The following CTNND2 variants were observed in gnomAD, a reference collection of about 807,000 sequenced individuals.
CTNND2 encodes the protein catenin delta-2.
Under a neutral mutation model 144.4 loss-of-function variants are expected in CTNND2, and 22 were observed. The observed-to-expected ratio is 0.15, with a 90% CI of 0.11 to 0.22. The LOEUF (loss-of-function observed/expected upper bound fraction) is 0.22. CTNND2 is among the 10% of genes least tolerant of loss of function. CTNND2 has a pLI of 1.00. For missense variants in CTNND2, 1,353 were observed against 1,618.8 expected (o/e 0.84, Z 2.82); for synonymous variants, 751 against 695.6 (o/e 1.08, Z -1.25).
In CTNND2 at chr5:11,385,198, C is replaced by A; in HGVS notation, c.644G>T (p.Gly215Val). The A allele has an allele frequency of 9.5e-7, 1 of 1,053,062 alleles. No homozygotes were observed. The highest frequency in any genetic ancestry group is 1.1e-6 in the Non-Finnish European group (1 of 875,312). The allele number at this position is 1,053,062 out of a possible 1,614,324, so 65.2% of individuals were successfully genotyped here. Residue 215 changes from glycine (G) to valine (V), a missense_variant, in exon 7 of 22, where the codon GGG becomes GTG. By Grantham distance (109) the Gly-to-Val change is moderately radical (BLOSUM62 -3). Transcript: ENST00000304623. ...GTTSRAGHLA[G>V]PEPAPPPPPP... ...CGGCGGCGGCGGCGCGGGCTCGGGC[C>A]CCGCCAGGTGGCCGGCGCGGCTGGT...
chr5:11,127,025 C>A (rs1291864321), intron 12 of CTNND2, among the ~76,000 whole-genome samples: 2 of 152,234 alleles, frequency 1.3e-5, no homozygotes, highest in Non-Finnish European at 2.9e-5. Context: ...CAAATACCAT[C>A]CACGCACATC....
rs114682798 is a variant in CTNND2 at position 11,309,133 on chromosome 5, A to G, written c.1628+37239T>C. On this transcript the variant is annotated intron_variant, in intron 9 of 21. Coordinates refer to ENST00000304623, the MANE Select transcript of CTNND2 (RefSeq NM_001332.4). The stretch of plus-strand genomic sequence containing the variant: ...GGGCAGGGACACAAATTGAAACCAT[A>G]TCATCAGCACCCGCACAGAGTTCTC... Among the ~76,000 whole-genome samples, 276 of 152,294 alleles carry G rather than the reference A, an allele frequency of 1.8e-3. 1 individual carries two copies. Among genetic ancestry groups the G allele is most frequent in the African/African-American group, 6.4e-3 (265 of 41,564 alleles).
At chr5:11,458,035 T>C (rs1581239130) in intron 3 of CTNND2, among the ~76,000 whole-genome samples, 1 of 152,214 alleles carries the variant, frequency 6.6e-6, no homozygotes, top group Admixed American at 6.5e-5. Context: ...GATAACAGTA[T>C]GGATCTAAAG....
At chr5:11,755,261 T>G (rs986735119) in intron 1 of CTNND2, among the ~76,000 whole-genome samples, 1 of 151,840 alleles carries the variant, frequency 6.6e-6, no homozygotes, top group African/African-American at 2.4e-5. Context: ...TAATGCTTAA[T>G]ATAGGCCCCC....
intron 3 of CTNND2, among the ~76,000 whole-genome samples, chr5:11,539,151 G>T (rs1440515955): frequency 1.1e-4 from 16 of 152,164 alleles, no homozygotes; most frequent in Admixed American, 1.0e-3. Context: ...CTCTCCATGT[G>T]CTCCCCAAGG....
intron 9 of CTNND2, among the ~76,000 whole-genome samples, chr5:11,291,809 A>G (rs1296308542): frequency 6.6e-6 from 1 of 152,232 alleles, no homozygotes; most frequent in African/African-American, 2.4e-5. Flanking sequence ...TGTCTGTGGA[A>G]TTAATGAAAA....
intron 3 of CTNND2, among the ~76,000 whole-genome samples, chr5:11,426,054 C>T (rs1581168582): frequency 6.6e-6 from 1 of 152,092 alleles, no homozygotes; most frequent in South Asian, 2.1e-4. Flanking sequence ...TGTTTCCTCT[C>T]AGTAATTTTC....
chr5:11,781,074 T>C (rs13357056), intron 1 of CTNND2, among the ~76,000 whole-genome samples: 14,545 of 152,204 alleles, frequency 0.096, 1,878 homozygotes, highest in African/African-American at 0.29. Flanking sequence ...TGAAACACAC[T>C]GATAAACTGT....
intron 1 of CTNND2, among the ~76,000 whole-genome samples, chr5:11,848,819 AG>A (rs1794877562): frequency 6.6e-6 from 1 of 152,156 alleles, no homozygotes; most frequent in South Asian, 2.1e-4. Context: ...TCTCTTGTCC[AG>A]GATGATTCCC....
At chr5:11,386,344 C>A (rs747284244) in intron 6 of CTNND2, among the ~76,000 whole-genome samples, 1 of 151,920 alleles carries the variant, frequency 6.6e-6, no homozygotes, top group East Asian at 1.9e-4. Context: ...CCAGAGAGAT[C>A]GAGGGAAGGG....
chr5:11,627,056 A>T (rs1781193617), intron 2 of CTNND2, among the ~76,000 whole-genome samples: 1 of 152,178 alleles, frequency 6.6e-6, no homozygotes, highest in Non-Finnish European at 1.5e-5. Flanking sequence ...AGTGTTTGAA[A>T]AATTGCTGGT....
intron 1 of CTNND2, among the ~76,000 whole-genome samples, chr5:11,785,568 T>C (rs993914580): frequency 6.6e-6 from 1 of 151,958 alleles, no homozygotes; most frequent in Non-Finnish European, 1.5e-5. Context: ...TAGATGGAAA[T>C]ATGCTACTAA....
chr5:11,147,002 G>C (rs6885587), intron 12 of CTNND2, among the ~76,000 whole-genome samples: 96,194 of 152,038 alleles, frequency 0.63, 30,453 homozygotes, highest in East Asian at 0.73. Context: ...GTACAGGACA[G>C]TTATTAGGCA....
intron 9 of CTNND2, among the ~76,000 whole-genome samples, chr5:11,247,878 T>C (rs1218923782): frequency 1.3e-5 from 2 of 152,216 alleles, no homozygotes; most frequent in African/African-American, 2.4e-5. Flanking sequence ...CAGCATTTAT[T>C]CATTCATTAA....
chr5:11,671,655 G>A (rs1458368919), intron 2 of CTNND2, among the ~76,000 whole-genome samples: 5 of 151,692 alleles, frequency 3.3e-5, no homozygotes, highest in African/African-American at 4.8e-5. Flanking sequence ...CTCTAAACTG[G>A]ATATTCTAGT....
intron 9 of CTNND2, among the ~76,000 whole-genome samples, chr5:11,279,155 T>C (rs1039037674): frequency 4.6e-5 from 7 of 152,180 alleles, no homozygotes; most frequent in Admixed American, 3.3e-4. Context: ...CTCGGTTCTA[T>C]AGACAAATAC....
At chr5:11,534,092 A>G (rs1410196427) in intron 3 of CTNND2, among the ~76,000 whole-genome samples, 1 of 152,220 alleles carries the variant, frequency 6.6e-6, no homozygotes, top group Non-Finnish European at 1.5e-5. Flanking sequence ...AATGGTAGGA[A>G]TATAAAAACA....
At chr5:11,675,423 T>C (rs913085689) in intron 2 of CTNND2, among the ~76,000 whole-genome samples, 1 of 152,048 alleles carries the variant, frequency 6.6e-6, no homozygotes, top group Non-Finnish European at 1.5e-5. Context: ...TGTTAGCAAG[T>C]GCAGTGGGAG....
intron 3 of CTNND2, among the ~76,000 whole-genome samples, chr5:11,563,046 T>C (rs1776802106): frequency 6.6e-6 from 1 of 152,184 alleles, no homozygotes; most frequent in African/African-American, 2.4e-5. Context: ...ATGTCACAGA[T>C]TTTGGCTTGC....
Sources: allele counts gnomAD v4.1 joint callset (sites outside exome capture counted in the v4.1 genomes callset), GRCh38; gene constraint gnomAD v4.1.1; transcripts MANE v1.5; gene names NCBI Gene and HGNC (gene_info 2026-07-23, HGNC 2026-07-21).